Variants in FSCN2 observed in about 807,000 individuals in gnomAD.
The protein encoded by FSCN2 is fascin-2.
FSCN2 carries 46 observed loss-of-function variants against 37.8 expected under a neutral mutation model. That is an observed-to-expected ratio of 1.22 (90% CI 0.96 to 1.56). The LOEUF (loss-of-function observed/expected upper bound fraction) is 1.56. Ranked by LOEUF, FSCN2 falls within the 40% of genes most tolerant of loss-of-function variation. FSCN2 has a pLI of 0.00. For missense variants in FSCN2, 844 were observed against 730.4 expected (o/e 1.16, Z -1.79); for synonymous variants, 351 against 309.4 (o/e 1.13, Z -1.41).
rs1378580171 is a variant in FSCN2, at chr17:81,536,148, C to T, written c.986C>T (p.Ser329Phe). The change falls in exon 3 of 5, where the codon TCT (serine) becomes TTT (phenylalanine). Residue 329 changes from serine (S) to phenylalanine (F), a missense_variant and splice_region_variant. Coordinates refer to ENST00000417245, the MANE Select transcript of FSCN2 (RefSeq NM_012418.4). The stretch of plus-strand genomic sequence containing the variant: ...AGACCTTTTGCTGCTCCCTCCAGTT[C>T]TGCCAACACCATGTTTGAGATGGAG... ...GGIHATATQV[S>F]ANTMFEMEWR... is the part of the protein sequence containing the mutation. The T allele has an allele frequency of 6.2e-7, 1 of 1,607,344 alleles. No homozygotes were observed. Among genetic ancestry groups the T allele is most frequent in the Non-Finnish European group, 8.5e-7 (1 of 1,177,564 alleles).
At position 81,529,377 on chromosome 17, in the gene FSCN2, C is replaced by T. The variant is rs200138949; in HGVS notation, c.826+20C>T. 1.8e-5 allele frequency: 27 copies of T among 1,512,476 alleles called. No homozygotes were observed. The highest frequency in any genetic ancestry group is 1.4e-4 in the East Asian group (6 of 42,748). The allele number at this position is 1,512,476 out of a possible 1,614,324, so 93.7% of individuals were successfully genotyped here. On this transcript the variant is annotated intron_variant, in intron 1 of 4. Transcript: ENST00000417245. ...GGCAAGGTAGGGAGGGCACAGGTGGCGACCTCCTGAGGGGTGCTGGGACCC... is the reference window on the plus strand; with the variant it reads ...GGCAAGGTAGGGAGGGCACAGGTGGTGACCTCCTGAGGGGTGCTGGGACCC...
At chr17:81,519,886 C>G in the FSCN2 span, among the ~76,000 whole-genome samples, 9 of 152,198 alleles carry the variant, frequency 5.9e-5, no homozygotes, top group Non-Finnish European at 1.3e-4. Flanking sequence ...GCGTTTTTCC[C>G]GCACTCTGCT....
intron 3 of FSCN2, 112 bp from the exon 4 acceptor site, chr17:81,536,510 G>C (rs542496940): frequency 6.5e-7 from 1 of 1,545,190 alleles, no homozygotes; most frequent in Non-Finnish European, 8.7e-7. Context: ...TGAGGCAATG[G>C]CAGGCCTGGG....
the FSCN2 span, among the ~76,000 whole-genome samples, chr17:81,523,178 G>T: frequency 6.6e-6 from 1 of 152,182 alleles, no homozygotes. Context: ...GCAGCCAGCC[G>T]TGAACCCCAA....
intron 1 of FSCN2, among the ~76,000 whole-genome samples, chr17:81,534,750 T>C (rs190159457): frequency 7.2e-5 from 11 of 151,740 alleles, no homozygotes; most frequent in Admixed American, 7.2e-4. Context: ...GGCAAGGAGA[T>C]TACCAGCTGA....
chr17:81,516,605 G>A, the FSCN2 span, among the ~76,000 whole-genome samples: 1 of 152,158 alleles, frequency 6.6e-6, no homozygotes, highest in African/African-American at 2.4e-5. Context: ...GGGCAAGGCT[G>A]GTTTCCTGCA....
chr17:81,525,567 CA>C (rs113481593), upstream of FSCN2, among the ~76,000 whole-genome samples: 58,106 of 148,662 alleles, frequency 0.39, 11,683 homozygotes, highest in African/African-American at 0.46. Context: ...CTAAAAAATA[CA>C]AAAAAAATTA....
intron 1 of FSCN2, among the ~76,000 whole-genome samples, chr17:81,532,749 G>A (rs1280015573): frequency 6.9e-6 from 1 of 145,898 alleles, no homozygotes; most frequent in East Asian, 2.0e-4. Flanking sequence ...GATGATGACA[G>A]TGATGATGGT....
intron 1 of FSCN2, among the ~76,000 whole-genome samples, chr17:81,532,464 ATGGTGG>A (rs1156618532): frequency 3.1e-5 from 4 of 129,086 alleles, no homozygotes; most frequent in Admixed American, 7.5e-5. Flanking sequence ...GGTGGTGGTG[ATGGTGG>A]TGGTGGTGAT....
intron 1 of FSCN2, among the ~76,000 whole-genome samples, chr17:81,534,130 G>A (rs981478699): frequency 5.9e-5 from 9 of 152,218 alleles, no homozygotes; most frequent in Non-Finnish European, 1.2e-4. Flanking sequence ...ATGAGTGTGA[G>A]GGAGATCCCA....
At chr17:81,526,084 C>T (rs1470041816), upstream of FSCN2, among the ~76,000 whole-genome samples, 2 of 152,250 alleles carry the variant, frequency 1.3e-5, no homozygotes, top group Non-Finnish European at 2.9e-5. Context: ...CAGAGCCAGG[C>T]CCACTTAGTG....
At chr17:81,532,062 A>G (rs1280818706) in intron 1 of FSCN2, among the ~76,000 whole-genome samples, 8 of 102,686 alleles carry the variant, frequency 7.8e-5, no homozygotes, top group South Asian at 3.4e-4. Flanking sequence ...GGTGATGGTG[A>G]TGATAGTGAT....
chr17:81,536,108 CCTG>C, intron 2 of FSCN2, 35 bp from the exon 3 acceptor site: 1 of 1,596,678 alleles, frequency 6.3e-7, no homozygotes, highest in African/African-American at 1.3e-5. Flanking sequence ...ACCCCCATCT[CCTG>C]CTGTCCTGAG....
chr17:81,528,754 G>T lies in FSCN2; in HGVS notation c.223G>T (p.Gly75Trp), dbSNP rs201226132. The part of the protein sequence containing the change: ...LGRYLSAEED[G>W]RVACEAEQPG... Reference sequence around the variant, plus strand: ...CCGCTACCTGTCGGCAGAAGAGGACGGGCGCGTGGCCTGTGAGGCAGAGCA... The same window carrying T: ...CCGCTACCTGTCGGCAGAAGAGGACTGGCGCGTGGCCTGTGAGGCAGAGCA... The change falls in exon 1 of 5, where the codon GGG becomes TGG. Residue 75 changes from glycine (G) to tryptophan (W), a missense_variant. By Grantham distance (184) the Gly-to-Trp change is radical (BLOSUM62 -2). Coordinates refer to ENST00000417245, the MANE Select transcript of FSCN2 (RefSeq NM_012418.4). The T allele has an allele frequency of 1.3e-6, 2 of 1,585,160 alleles. No individual in the cohort carries two copies.
upstream of FSCN2, among the ~76,000 whole-genome samples, chr17:81,528,202 G>A (rs1161950369): frequency 6.6e-5 from 10 of 152,210 alleles, no homozygotes; most frequent in South Asian, 1.4e-3. Context: ...CTCCAGCCCC[G>A]TAGGCCCTCA....
chr17:81,531,006 T>A lies in FSCN2; in HGVS notation c.826+1649T>A, dbSNP rs528215641. On this transcript the variant is annotated intron_variant, in intron 1 of 4. Transcript: ENST00000417245. ...ATGGAAGCCAAAGACACTAGACCTT[T>A]AGGCATTTGTATATGGACAGCTTGG... Among the ~76,000 whole-genome samples the A allele has an allele frequency of 2.0e-5, 3 of 152,386 alleles. No individual in the cohort carries two copies. In the East Asian group the frequency reaches 5.8e-4, roughly 29 times the overall value.
intron 1 of FSCN2, among the ~76,000 whole-genome samples, chr17:81,529,903 G>A (rs939571428): frequency 3.9e-5 from 6 of 152,234 alleles, no homozygotes; most frequent in Admixed American, 2.0e-4. Flanking sequence ...GCCGCCTCAC[G>A]GGTTCACGCC....
the FSCN2 span, among the ~76,000 whole-genome samples, chr17:81,515,760 C>T: frequency 6.6e-6 from 1 of 152,286 alleles, no homozygotes; most frequent in Non-Finnish European, 1.5e-5. Flanking sequence ...ACTTGTCAGA[C>T]AGACATGGGG....
intron 1 of FSCN2, among the ~76,000 whole-genome samples, chr17:81,533,770 AG>A (rs1399514545): frequency 1.3e-5 from 2 of 152,244 alleles, no homozygotes; most frequent in African/African-American, 4.8e-5. Context: ...CCCCGGAAGC[AG>A]GTGGCTGAAT....
Sources: gnomAD v4.1 joint callset for allele counts (sites outside exome capture counted in the v4.1 genomes callset) on GRCh38, gnomAD v4.1.1 for gene constraint, MANE v1.5 for transcripts, NCBI Gene and HGNC (gene_info 2026-07-23, HGNC 2026-07-21) for gene names.